The following GOLGA8H variants were observed in gnomAD, a reference collection of about 807,000 sequenced individuals.
GOLGA8H encodes the protein golgin A8 family member H.
Under a neutral mutation model 82.7 loss-of-function variants are expected in GOLGA8H, and 47 were observed. The observed-to-expected ratio is 0.57, with a 90% CI of 0.45 to 0.73. The LOEUF is 0.73. GOLGA8H is among the 30% of genes least tolerant of loss of function. GOLGA8H has a pLI of 0.00. For synonymous variants in GOLGA8H, 108 were observed against 241.6 expected, an observed-to-expected ratio of 0.45 and a Z score of 5.13; for missense variants, 372 against 661.0, an observed-to-expected ratio of 0.56 and a Z score of 4.79.
At position 30,610,211 on chromosome 15, in the gene GOLGA8H, C is replaced by T. The variant is rs1480042459; in HGVS notation, c.787-91C>T. On this transcript the variant is annotated intron_variant, in intron 10 of 18. Coordinates refer to ENST00000566740, the MANE Select transcript of GOLGA8H (RefSeq NM_001282490.2). ...AGCCAGAGGTGGTCATGGGTCTGGG[C>T]TTTGTGGAGGTGGGGGCAGAGAGGG... 4 of 1,438,892 alleles carry T rather than the reference C, an allele frequency of 2.8e-6. No homozygotes were observed. In the African/African-American group the frequency reaches 4.3e-5, roughly 16 times the overall value. The allele number at this position is 1,438,892 out of a possible 1,614,324, so 89.1% of individuals were successfully genotyped here.
Position 30,610,145 on chromosome 15 carries a change from T to A in GOLGA8H, c.786+39T>A, listed in dbSNP as rs575812212. 10 of 1,608,762 alleles carry A rather than the reference T, an allele frequency of 6.2e-6. 1 individual carries two copies. Among genetic ancestry groups the A allele is most frequent in the Middle Eastern group, 4.3e-4 (2 of 4,692 alleles). Reference sequence around the variant, plus strand: ...CTTCAGCCCCCCCACATTAGATAGGTCACTGGATCTTTCTGGGCATCTGTA... The same window carrying A: ...CTTCAGCCCCCCCACATTAGATAGGACACTGGATCTTTCTGGGCATCTGTA... On this transcript the variant is annotated intron_variant, in intron 10 of 18. Transcript: ENST00000566740.
intron 13 of GOLGA8H, 70 bp from the exon 14 acceptor site, chr15:30,612,527 C>T: frequency 5.2e-6 from 7 of 1,351,912 alleles, no homozygotes; most frequent in Non-Finnish European, 7.2e-6. Flanking sequence ...GAGGGAGCTG[C>T]TGAGGATGGG....
At chr15:30,609,116 T>C (rs1227708869) in intron 8 of GOLGA8H, among the ~76,000 whole-genome samples, 3 of 91,802 alleles carry the variant, frequency 3.3e-5, no homozygotes, top group East Asian at 2.1e-4. Context: ...GAAACGTGTG[T>C]GCGTGTGTGT....
chr15:30,607,996 C>T, intron 4 of GOLGA8H, 34 bp from the exon 5 acceptor site: 1 of 1,593,792 alleles, frequency 6.3e-7, no homozygotes, highest in Non-Finnish European at 8.5e-7. Context: ...TTGAGGGGGC[C>T]ACCCTCCATC....
chr15:30,616,118 T>G lies in GOLGA8H; in HGVS notation c.*1557T>G, dbSNP rs1402795690. On this transcript the variant is annotated 3_prime_UTR_variant, in exon 19 of 19. Transcript: ENST00000566740. ...TGCGATATTTATGTGATTGTGCCTA[T>G]GCATGATGAATGAATGCATTTCAGT... Among the ~76,000 whole-genome samples the G allele has an allele frequency of 2.6e-5, 4 of 152,050 alleles. No individual in the cohort carries two copies. The highest frequency in any genetic ancestry group is 5.9e-5 in the Non-Finnish European group (4 of 68,004).
At position 30,615,073 on chromosome 15, in the gene GOLGA8H, T is replaced by C. The variant is rs374032215; in HGVS notation, c.*512T>C. On this transcript the variant is annotated 3_prime_UTR_variant, in exon 19 of 19. Coordinates refer to ENST00000566740, the MANE Select transcript of GOLGA8H (RefSeq NM_001282490.2). Reference sequence around the variant, plus strand: ...GTGCACTGTTTATTACTTTGTAATATGCCACTATGAGTACTGACATTTAGA... The same window carrying C: ...GTGCACTGTTTATTACTTTGTAATACGCCACTATGAGTACTGACATTTAGA... 2.0e-4 allele frequency among the ~76,000 whole-genome samples: 31 copies of C among 151,746 alleles called. No individual in the cohort carries two copies. The highest frequency in any genetic ancestry group is 3.9e-4 in the East Asian group (2 of 5,112).
chr15:30,608,466 G>C lies in GOLGA8H; in HGVS notation c.397-1G>C, dbSNP rs756314552. The C allele has an allele frequency of 1.9e-6, 3 of 1,609,918 alleles. No homozygotes were observed. The highest frequency in any genetic ancestry group is 3.3e-5 in the Admixed American group (2 of 59,902). On this transcript the variant is annotated splice_acceptor_variant, in intron 6 of 18. Transcript: ENST00000566740. LOFTEE classifies it high-confidence loss of function. The stretch of plus-strand genomic sequence containing the variant: ...GCACTTGCTTGGCTTTTCTCCCAAA[G>C]GTTCAAATCCAGACATTGAACATAC...
Position 30,610,080 on chromosome 15 carries a change from C to T in GOLGA8H, c.760C>T (p.Gln254Ter), listed in dbSNP as rs1156262953. 6.2e-7 allele frequency: 1 copy of T among 1,611,096 alleles called. No homozygotes were observed. The stretch of plus-strand genomic sequence containing the variant: ...AAAAGGAGAGAGGGCCCGGTGGCAG[C>T]AGAGGATGAGAAAAATGTCGCAGGA... The part of the protein sequence containing the change: ...HLKGERARWQ[Q>*]RMRKMSQEIC... The change falls in exon 10 of 19, where the codon CAG becomes TAG. Residue 254 changes from glutamine to a stop codon, truncating the protein, a stop_gained. Coordinates refer to ENST00000566740, the MANE Select transcript of GOLGA8H (RefSeq NM_001282490.2). LOFTEE classifies it high-confidence loss of function.
rs1304323637 is a variant in GOLGA8H, at chr15:30,610,073, G to C, written c.753G>C (p.Arg251=). 9.3e-6 allele frequency: 15 copies of C among 1,611,022 alleles called. No homozygotes were observed. The highest frequency in any genetic ancestry group is 1.3e-5 in the African/African-American group (1 of 74,474). The part of the protein sequence containing the change: ...CAEHLKGERA[R]WQQRMRKMSQ... ...AACATCTAAAAGGAGAGAGGGCCCG[G>C]TGGCAGCAGAGGATGAGAAAAATGT... The change falls in exon 10 of 19, where the codon CGG becomes CGC. Residue 251 remains arginine, a synonymous_variant. Coordinates refer to ENST00000566740, the MANE Select transcript of GOLGA8H (RefSeq NM_001282490.2).
rs541118348 is a variant in GOLGA8H at position 30,608,414 on chromosome 15, G to A, written c.396+36G>A. 4.7e-4 allele frequency: 735 copies of A among 1,574,902 alleles called. 15 individuals are homozygous for A. The South Asian group carries it at 7.8e-3, about 17-fold the overall frequency. ...GGTGTGCAGTTTCCTCCTGTCCTCCGGAGAAGGTTTCTTTCCTTCTCTTTC... is the reference window on the plus strand; with the variant it reads ...GGTGTGCAGTTTCCTCCTGTCCTCCAGAGAAGGTTTCTTTCCTTCTCTTTC... On this transcript the variant is annotated intron_variant, in intron 6 of 18. Transcript: ENST00000566740.
rs1429429710 is a variant in GOLGA8H, at chr15:30,617,734, A to G, written c.*3173A>G. The G allele has an allele frequency of 6.6e-6, 1 of 152,360 alleles. No homozygotes were observed. The highest frequency in any genetic ancestry group is 1.9e-4 in the East Asian group (1 of 5,190). 9.4% of individuals were successfully genotyped at this position (152,360 alleles called of 1,614,324 possible). A position where few individuals can be genotyped will look rare whatever the true frequency, so the allele number is the denominator to read the frequency against. On this transcript the variant is annotated 3_prime_UTR_variant, in exon 19 of 19. Coordinates refer to ENST00000566740, the MANE Select transcript of GOLGA8H (RefSeq NM_001282490.2). ...GTGTGATGCCACTGTAATGTAATAA[A>G]TTATTAAATTGTTTCTAAGTGTTGT...
rs527682855 is a variant in GOLGA8H at position 30,606,238 on chromosome 15, C to A, written c.168+276C>A. On this transcript the variant is annotated intron_variant, in intron 2 of 18. Transcript: ENST00000566740. ...AGCGTGGTGGCGTGTGCCTGTAGTC[C>A]CAGCTACTCAGAAGGCTGAGGCAAG... Among the ~76,000 whole-genome samples the A allele has an allele frequency of 4.7e-3, 716 of 151,434 alleles. 22 individuals are homozygous for A. The highest frequency in any genetic ancestry group is 0.016 in the African/African-American group (669 of 41,020).
In GOLGA8H at chr15:30,604,076, T is replaced by C. The variant is rs1291308058; in HGVS notation, c.-50T>C. 1.0e-5 allele frequency: 16 copies of C among 1,550,988 alleles called. No individual in the cohort carries two copies. The highest frequency in any genetic ancestry group is 1.3e-5 in the Non-Finnish European group (15 of 1,151,524). On this transcript the variant is annotated 5_prime_UTR_variant, in exon 1 of 19. Transcript: ENST00000566740. ...GACTGGAGGCCTTGATTGGTTCTCA[T>C]TGAGATTTTGCTGCTGTGACCCCAA...
chr15:30,614,604 A>G lies in GOLGA8H; in HGVS notation c.*43A>G. The stretch of plus-strand genomic sequence containing the variant: ...GAGCTGCTCAAGAAATTTTTAAATA[A>G]GAAACCAAGTTATGGGGTTAATCTC... On this transcript the variant is annotated 3_prime_UTR_variant, in exon 19 of 19. Transcript: ENST00000566740. 1 of 1,559,086 alleles carries G rather than the reference A, an allele frequency of 6.4e-7. No homozygotes were observed. Among genetic ancestry groups the G allele is most frequent in the Non-Finnish European group, 8.7e-7 (1 of 1,151,362 alleles).
rs1052712168 is a variant in GOLGA8H, at chr15:30,616,033, C to G, written c.*1472C>G. Among the ~76,000 whole-genome samples, 4 of 151,846 alleles carry G rather than the reference C, an allele frequency of 2.6e-5. No homozygotes were observed. Among genetic ancestry groups the G allele is most frequent in the Admixed American group, 2.0e-4 (3 of 15,230 alleles). ...TCACAGAGCTATATTTTCTCACAGA[C>G]TTCTTTACAAAGTGAAATATGTTTT... is the stretch of plus-strand genomic sequence containing the variant. On this transcript the variant is annotated 3_prime_UTR_variant, in exon 19 of 19. Transcript: ENST00000566740.
rs2060109583 is a variant in GOLGA8H at position 30,616,773 on chromosome 15, T to C, written c.*2212T>C. 1.3e-5 allele frequency among the ~76,000 whole-genome samples: 2 copies of C among 148,598 alleles called. No individual in the cohort carries two copies. The highest frequency in any genetic ancestry group is 4.3e-4 in the South Asian group (2 of 4,676). ...TCATTCTGAAACTGGGTTTATCTAA[T>C]ACATTGATAAATTATTGCAAAGGTA... On this transcript the variant is annotated 3_prime_UTR_variant, in exon 19 of 19. Transcript: ENST00000566740.
chr15:30,607,649 T>C, intron 4 of GOLGA8H: 1 of 479,006 alleles, frequency 2.1e-6, no homozygotes, highest in Non-Finnish European at 3.8e-6. Context: ...TGTCTGTCCT[T>C]TTCCATCCTA....
Position 30,608,384 on chromosome 15 carries a change from T to C in GOLGA8H, c.396+6T>C, listed in dbSNP as rs775164062. 6.4e-5 allele frequency: 101 copies of C among 1,568,968 alleles called. No homozygotes were observed. Among genetic ancestry groups the C allele is most frequent in the Non-Finnish European group, 7.0e-5 (81 of 1,160,116 alleles). ...AAGCCAAAAGGGTGCTAGAGGTGAGTGGAGGGTGTGCAGTTTCCTCCTGTC... is the reference window on the plus strand; with the variant it reads ...AAGCCAAAAGGGTGCTAGAGGTGAGCGGAGGGTGTGCAGTTTCCTCCTGTC... On this transcript the variant is annotated splice_donor_region_variant and intron_variant, in intron 6 of 18. Coordinates refer to ENST00000566740, the MANE Select transcript of GOLGA8H (RefSeq NM_001282490.2).
Position 30,615,006 on chromosome 15 carries a change from AGTGAGCTCTTCAT to A in GOLGA8H, c.*446_*458del, listed in dbSNP as rs1433849262. The stretch of plus-strand genomic sequence containing the variant: ...TGTTGTTTGATCTAATCTTAATCAC[AGTGAGCTCTTCAT>A]TAGCTCAATATGTAGTTTGCCCCCA... On this transcript the variant is annotated 3_prime_UTR_variant, in exon 19 of 19. Coordinates refer to ENST00000566740, the MANE Select transcript of GOLGA8H (RefSeq NM_001282490.2). Among the ~76,000 whole-genome samples, 1 of 151,816 alleles carries A rather than the reference AGTGAGCTCTTCAT, an allele frequency of 6.6e-6. No individual in the cohort carries two copies. The highest frequency in any genetic ancestry group is 1.5e-5 in the Non-Finnish European group (1 of 67,940).
Sources: gnomAD v4.1 joint callset for allele counts (sites outside exome capture counted in the v4.1 genomes callset) on GRCh38, gnomAD v4.1.1 for gene constraint, MANE v1.5 for transcripts, NCBI Gene and HGNC (gene_info 2026-07-23, HGNC 2026-07-21) for gene names.